Variants in BBS9 observed in about 807,000 individuals in gnomAD.
BBS9 encodes the protein protein PTHB1.
A neutral mutation model predicts 117.7 loss-of-function variants in BBS9; 89 were observed. The observed-to-expected ratio is 0.76, with a 90% CI of 0.64 to 0.90. BBS9 has a LOEUF of 0.90. BBS9 is among the 40% of genes least tolerant of loss of function. BBS9 has a pLI of 0.00. For synonymous variants in BBS9, 379 were observed against 370.9 expected (o/e 1.02, Z -0.25); for missense variants, 982 against 1,042.2 (o/e 0.94, Z 0.80).
At chr7:33,411,021 T>C (rs1376111174) in intron 19 of BBS9, among the ~76,000 whole-genome samples, 1 of 149,638 alleles carries the variant, frequency 6.7e-6, no homozygotes, top group Non-Finnish European at 1.5e-5. Flanking sequence ...GTTTTTTTTT[T>C]TTTTTTTTTT....
intron 5 of BBS9, among the ~76,000 whole-genome samples, chr7:33,207,924 C>T (rs1787258108): frequency 6.6e-6 from 1 of 152,112 alleles, no homozygotes; most frequent in South Asian, 2.1e-4. Context: ...TCTCCTGCCT[C>T]AGCCTCCTGG....
At chr7:33,519,270 A>G (rs1585099605) in intron 20 of BBS9, among the ~76,000 whole-genome samples, 2 of 152,162 alleles carry the variant, frequency 1.3e-5, no homozygotes, top group Non-Finnish European at 2.9e-5. Context: ...CTCTTGTCCT[A>G]GGTGGCAATA....
chr7:33,609,351 C>G (rs1313970974), downstream of BBS9, among the ~76,000 whole-genome samples: 3 of 152,138 alleles, frequency 2.0e-5, no homozygotes, highest in African/African-American at 7.2e-5. Flanking sequence ...GCGATTTACT[C>G]TTCTTCATTA....
chr7:33,181,061 G>A (rs997753522), intron 5 of BBS9, among the ~76,000 whole-genome samples: 1 of 152,194 alleles, frequency 6.6e-6, no homozygotes, highest in Admixed American at 6.5e-5. Context: ...AAGTACTACT[G>A]CTGTGCTGAG....
intron 21 of BBS9, among the ~76,000 whole-genome samples, chr7:33,551,965 G>T (rs1028630396): frequency 6.6e-6 from 1 of 151,976 alleles, no homozygotes; most frequent in Non-Finnish European, 1.5e-5. Flanking sequence ...TATTATTGGA[G>T]TACCACAGTT....
At chr7:33,474,646 C>A (rs1841547258) in intron 19 of BBS9, among the ~76,000 whole-genome samples, 1 of 152,134 alleles carries the variant, frequency 6.6e-6, no homozygotes, top group South Asian at 2.1e-4. Flanking sequence ...CTTAGAAATA[C>A]CTTAGAAATA....
At chr7:33,268,273 C>A (rs1439264920) in intron 7 of BBS9, among the ~76,000 whole-genome samples, 1 of 152,212 alleles carries the variant, frequency 6.6e-6, no homozygotes, top group Admixed American at 6.5e-5. Context: ...TGAGGGCACT[C>A]TCTGCAGATC....
intron 19 of BBS9, among the ~76,000 whole-genome samples, chr7:33,503,950 C>T (rs1357079595): frequency 6.6e-6 from 1 of 152,112 alleles, no homozygotes. Context: ...TAACTCTGGC[C>T]CACAGTAATC....
At chr7:33,342,933 A>G (rs1239129548) in intron 11 of BBS9, among the ~76,000 whole-genome samples, 2 of 152,208 alleles carry the variant, frequency 1.3e-5, no homozygotes, top group Non-Finnish European at 2.9e-5. Context: ...TTATTATGAA[A>G]GCACACATCT....
intron 9 of BBS9, among the ~76,000 whole-genome samples, chr7:33,308,598 T>A (rs1808517844): frequency 6.6e-6 from 1 of 152,196 alleles, no homozygotes; most frequent in Non-Finnish European, 1.5e-5. Flanking sequence ...GTTCTGTACC[T>A]AGGATTTGTA....
chr7:33,135,222 G>A (rs1318088845), intron 1 of BBS9, among the ~76,000 whole-genome samples: 1 of 152,130 alleles, frequency 6.6e-6, no homozygotes, highest in Non-Finnish European at 1.5e-5. Context: ...CACGTTTCTG[G>A]TGTCAAATCT....
At chr7:33,627,260 C>T (rs1404242551) in intron 21 of BBS9, among the ~76,000 whole-genome samples, 5 of 152,192 alleles carry the variant, frequency 3.3e-5, no homozygotes, top group East Asian at 1.9e-4. Context: ...GGTTTCCACA[C>T]GATGTTAGGC....
chr7:33,606,564 T>A (rs544698825), downstream of BBS9, among the ~76,000 whole-genome samples: 19 of 152,282 alleles, frequency 1.2e-4, no homozygotes, highest in South Asian at 3.7e-3. Context: ...GTAAGATGCC[T>A]CTTGGAATAA....
chr7:33,143,095 G>A (rs530821206), intron 1 of BBS9, among the ~76,000 whole-genome samples: 1 of 151,990 alleles, frequency 6.6e-6, no homozygotes, highest in South Asian at 2.1e-4. Context: ...TTAGCCTCCC[G>A]AGTAGCTGGG....
At chr7:33,464,673 C>T (rs1235557856) in intron 19 of BBS9, among the ~76,000 whole-genome samples, 1 of 151,838 alleles carries the variant, frequency 6.6e-6, no homozygotes, top group Admixed American at 6.6e-5. Flanking sequence ...TGATTTCATT[C>T]TCAGTTTTTA....
intron 5 of BBS9, among the ~76,000 whole-genome samples, chr7:33,181,317 G>A (rs1293871265): frequency 6.6e-6 from 1 of 152,128 alleles, no homozygotes; most frequent in Non-Finnish European, 1.5e-5. Flanking sequence ...AGAATAATAG[G>A]TGAGACATTT....
chr7:33,418,041 C>T (rs2128845465), intron 19 of BBS9, among the ~76,000 whole-genome samples: 1 of 152,262 alleles, frequency 6.6e-6, no homozygotes, highest in Middle Eastern at 3.4e-3. Flanking sequence ...AGCACAGTGC[C>T]TTGCGTACAG....
chr7:33,372,956 G>A (rs776840788), intron 17 of BBS9, among the ~76,000 whole-genome samples: 1 of 152,084 alleles, frequency 6.6e-6, no homozygotes, highest in Non-Finnish European at 1.5e-5. Flanking sequence ...GTTCATAACA[G>A]TTTAATGATT....
At chr7:33,420,244 G>T (rs1832657086) in intron 19 of BBS9, among the ~76,000 whole-genome samples, 1 of 152,126 alleles carries the variant, frequency 6.6e-6, no homozygotes, top group Admixed American at 6.6e-5. Flanking sequence ...GTAAAATGGG[G>T]ATGATATTCC....
Sources: gnomAD v4.1 joint callset for allele counts (sites outside exome capture counted in the v4.1 genomes callset) on GRCh38, gnomAD v4.1.1 for gene constraint, MANE v1.5 for transcripts, NCBI Gene and HGNC (gene_info 2026-07-23, HGNC 2026-07-21) for gene names.